The following ABHD6 variants were observed in gnomAD, a reference collection of about 807,000 sequenced individuals.
ABHD6 encodes the protein monoacylglycerol lipase ABHD6.
Under a neutral mutation model 38.8 loss-of-function variants are expected in ABHD6, and 33 were observed. That is an observed-to-expected ratio of 0.85 (90% confidence interval 0.64 to 1.14). The LOEUF is 1.14. ABHD6 is among the 50% of genes most tolerant of loss of function. The probability of loss-of-function intolerance (pLI) is 0.00; values close to 1 mark genes in which losing one functional copy is unlikely to be tolerated. For missense variants in ABHD6, 380 were observed against 422.6 expected (o/e 0.90, Z 0.88); for synonymous variants, 147 against 161.6 (o/e 0.91, Z 0.69).
intron 7 of ABHD6, among the ~76,000 whole-genome samples, chr3:58,283,895 A>G (rs1003156335): frequency 3.3e-5 from 5 of 152,258 alleles, no homozygotes; most frequent in African/African-American, 1.2e-4. Flanking sequence ...GTTATTCAAC[A>G]AATTGTCATT....
In ABHD6 at chr3:58,263,023, C is replaced by G. The variant is rs1236666374; in HGVS notation, c.120-4166C>G. On this transcript the variant is annotated intron_variant, in intron 3 of 9. Coordinates refer to ENST00000478253, the MANE Select transcript of ABHD6 (RefSeq NM_001320126.2). This position sits in a 1 kb window ranked among gnomAD's most constrained non-coding sequence, Gnocchi z 4.9. ...AGGAGTTTGAGACCAGCCTGGCCAA[C>G]ATGGTGAAACCCCATCTCTACTACA... 6.6e-6 allele frequency among the ~76,000 whole-genome samples: 1 copy of G among 152,194 alleles called. No individual in the cohort carries two copies. The highest frequency in any genetic ancestry group is 1.5e-5 in the Non-Finnish European group (1 of 68,022).
chr3:58,267,205 T>C lies in ABHD6; in HGVS notation c.136T>C (p.Leu46=), dbSNP rs753041436. Residue 46 remains leucine, a synonymous_variant, in exon 4 of 10, where the codon TTG becomes CTG. Coordinates refer to ENST00000478253, the MANE Select transcript of ABHD6 (RefSeq NM_001320126.2). This position sits in a 1 kb window ranked among gnomAD's most constrained non-coding sequence, Gnocchi z 4.3. ...CCCTTCCAGGTACTGGCGGAGGACA[T>C]TGGGCATGCAAGTCCGCTATGTTCA... ...RIYYWYWRRT[L]GMQVRYVHHE... 26 of 1,613,996 alleles carry C rather than the reference T, an allele frequency of 1.6e-5. No homozygotes were observed. The East Asian group carries it at 1.8e-4, about 11-fold the overall frequency.
intron 7 of ABHD6, among the ~76,000 whole-genome samples, chr3:58,281,045 C>G (rs575024193): frequency 1.3e-5 from 2 of 152,308 alleles, no homozygotes; most frequent in Admixed American, 1.3e-4. Flanking sequence ...TTAGGCTACA[C>G]GAGGGTCAGG....
chr3:58,284,512 G>A (rs1458522839), intron 7 of ABHD6, among the ~76,000 whole-genome samples: 1 of 150,882 alleles, frequency 6.6e-6, no homozygotes, highest in Non-Finnish European at 1.5e-5. Context: ...GTGCAGTGGC[G>A]CAATCTCAGC....
chr3:58,274,860 C>G (rs374498978), intron 7 of ABHD6, 45 bp downstream of exon 7: 1 of 1,592,682 alleles, frequency 6.3e-7, no homozygotes, highest in East Asian at 2.2e-5. Flanking sequence ...CCCAGAGGCC[C>G]GGGGGCGAGT....
At position 58,284,877 on chromosome 3, in the gene ABHD6, A is replaced by T. The variant is rs61152058; in HGVS notation, c.682-208A>T. ...CACGATATTACCCAAGTTCCTTTATAATAATAATAATAATAAAAAGCTTCT... is the reference window on the plus strand; with the variant it reads ...CACGATATTACCCAAGTTCCTTTATTATAATAATAATAATAAAAAGCTTCT... On this transcript the variant is annotated intron_variant, in intron 7 of 9. Coordinates refer to ENST00000478253, the MANE Select transcript of ABHD6 (RefSeq NM_001320126.2). 1.6e-3 allele frequency among the ~76,000 whole-genome samples: 246 copies of T among 152,050 alleles called. 1 individual carries two copies. Among genetic ancestry groups the T allele is most frequent in the African/African-American group, 5.3e-3 (218 of 41,482 alleles).
At chr3:58,247,823 C>T (rs1239503896) in intron 1 of ABHD6, among the ~76,000 whole-genome samples, 5 of 152,288 alleles carry the variant, frequency 3.3e-5, no homozygotes, top group Non-Finnish European at 7.4e-5. Context: ...GGTCTGCCCG[C>T]CTCGGCTTCC....
At chr3:58,239,188 T>C (rs188677581) in intron 1 of ABHD6, among the ~76,000 whole-genome samples, 26 of 147,878 alleles carry the variant, frequency 1.8e-4, no homozygotes, top group Non-Finnish European at 3.4e-4. Flanking sequence ...ATCAAGAACA[T>C]TGTTATAATA....
At chr3:58,271,141 G>GT (rs1330325447) in intron 6 of ABHD6, 77 bp downstream of exon 6, 7 of 1,456,464 alleles carry the variant, frequency 4.8e-6, no homozygotes, top group Admixed American at 2.7e-5. Flanking sequence ...TGCTATGACC[G>GT]TTTTTTGGAA....
chr3:58,293,881 G>C lies in ABHD6; in HGVS notation c.*116G>C. The C allele has an allele frequency of 8.4e-7, 1 of 1,186,882 alleles. No individual in the cohort carries two copies. Among genetic ancestry groups the C allele is most frequent in the Non-Finnish European group, 1.2e-6 (1 of 858,132 alleles). The allele number at this position is 1,186,882 out of a possible 1,614,324, so 73.5% of individuals were successfully genotyped here. On this transcript the variant is annotated 3_prime_UTR_variant, in exon 10 of 10. Transcript: ENST00000478253. This position sits in a 1 kb window ranked among gnomAD's most constrained non-coding sequence, Gnocchi z 4.4. The stretch of plus-strand genomic sequence containing the variant: ...ATGCGGTCGGAGCGCCAGTGACCCT[G>C]AGGAAGCCCGTCCCTTATCCCTGGT...
chr3:58,267,302 A>C lies in ABHD6; in HGVS notation c.233A>C (p.His78Pro). Residue 78 changes from histidine to proline, a missense_variant, in exon 4 of 10, where the codon CAC becomes CCC. Physicochemically the swap from His to Pro is moderately conservative, Grantham distance 77 (BLOSUM62 -2). Transcript: ENST00000478253. This position sits in a 1 kb window ranked among gnomAD's most constrained non-coding sequence, Gnocchi z 4.3. ...CACAAACCCTCCATCCTCATGCTCCACGGATTCTCTGCCCACAAGGATATG... is the reference window on the plus strand; with the variant it reads ...CACAAACCCTCCATCCTCATGCTCCCCGGATTCTCTGCCCACAAGGATATG... Reference protein sequence around the residue: ...PGHKPSILMLHGFSAHKDMWL... With the variant: ...PGHKPSILMLPGFSAHKDMWL... The C allele has an allele frequency of 6.2e-7, 1 of 1,614,124 alleles. No homozygotes were observed. The highest frequency in any genetic ancestry group is 8.5e-7 in the Non-Finnish European group (1 of 1,180,004).
chr3:58,243,090 A>G (rs1412056338), intron 1 of ABHD6, among the ~76,000 whole-genome samples: 2 of 152,078 alleles, frequency 1.3e-5, no homozygotes, highest in African/African-American at 2.4e-5. Context: ...CATGGTGTAT[A>G]TGTGCCACAT....
Position 58,266,689 on chromosome 3 carries a change from CAG to C in ABHD6, c.120-495_120-494del, listed in dbSNP as rs1187181102. 2.0e-5 allele frequency among the ~76,000 whole-genome samples: 3 copies of C among 152,148 alleles called. No individual in the cohort carries two copies. The highest frequency in any genetic ancestry group is 2.4e-5 in the African/African-American group (1 of 41,436). ...TCTCATCTTGGAGGGATTCACCATG[CAG>C]AGAGTTCAATTTGTTTAGATGGTAA... is the stretch of plus-strand genomic sequence containing the variant. On this transcript the variant is annotated intron_variant, in intron 3 of 9. Coordinates refer to ENST00000478253, the MANE Select transcript of ABHD6 (RefSeq NM_001320126.2). This position sits in a 1 kb window ranked among gnomAD's most constrained non-coding sequence, Gnocchi z 4.0.
intron 7 of ABHD6, among the ~76,000 whole-genome samples, chr3:58,284,485 C>A (rs2097455531): frequency 6.6e-6 from 1 of 150,576 alleles, no homozygotes; most frequent in Non-Finnish European, 1.5e-5. Flanking sequence ...TAGAGTCTCA[C>A]TGTCGCCCAG....
In ABHD6 at chr3:58,285,926, C is replaced by T. The variant is rs143048335; in HGVS notation, c.837+473C>T. On this transcript the variant is annotated intron_variant, in intron 9 of 9. Transcript: ENST00000478253. The surrounding 1 kb of genome is among the most constrained non-coding windows in gnomAD (Gnocchi z 4.9). ...AATCTTGGCTCACTGCAACTTCTGC[C>T]TCCCAGGTTCAAGCGATTCTCCTGC... 0.012 allele frequency among the ~76,000 whole-genome samples: 1,860 copies of T among 152,228 alleles called. 93 individuals carry two copies. In the East Asian group the frequency reaches 0.15, roughly 12 times the overall value.
intron 2 of ABHD6, among the ~76,000 whole-genome samples, chr3:58,255,939 C>T (rs181694467): frequency 6.6e-6 from 1 of 152,238 alleles, no homozygotes; most frequent in Admixed American, 6.5e-5. Context: ...GCCACTGCAC[C>T]TGTCTCCTTT....
At chr3:58,290,023 G>A (rs533301883) in intron 9 of ABHD6, among the ~76,000 whole-genome samples, 115 of 140,256 alleles carry the variant, frequency 8.2e-4, no homozygotes, top group South Asian at 2.2e-3. Context: ...CGGACGGGGC[G>A]GCTGGCCGGG....
chr3:58,239,987 CAA>C (rs542069109), intron 1 of ABHD6, among the ~76,000 whole-genome samples: 8 of 129,470 alleles, frequency 6.2e-5, no homozygotes, highest in Admixed American at 7.8e-5. Context: ...CCATCTCTAC[CAA>C]AAAAAAAAAA....
chr3:58,285,593 G>T lies in ABHD6; in HGVS notation c.837+140G>T. 2.8e-6 allele frequency: 2 copies of T among 721,488 alleles called. No individual in the cohort carries two copies. The highest frequency in any genetic ancestry group is 3.5e-5 in the South Asian group (2 of 57,364). 44.7% of individuals were successfully genotyped at this position (721,488 alleles called of 1,614,324 possible). On this transcript the variant is annotated intron_variant, in intron 9 of 9. Transcript: ENST00000478253. The surrounding 1 kb of genome is among the most constrained non-coding windows in gnomAD (Gnocchi z 4.9). ...AAGAGGGGGAAGGCACCTGTGTTGG[G>T]TGCCAGTGTTGACAGTGGGCAGAGT...
Sources: allele counts gnomAD v4.1 joint callset (sites outside exome capture counted in the v4.1 genomes callset), GRCh38; gene constraint gnomAD v4.1.1; non-coding constraint Gnocchi (gnomAD v3.1); transcripts MANE v1.5; gene names NCBI Gene and HGNC (gene_info 2026-07-23, HGNC 2026-07-21).